ACCSL: variants seen among roughly 807,000 people sequenced by gnomAD.
ACCSL encodes 1-aminocyclopropane-1-carboxylate synthase homolog (inactive) like.
ACCSL carries 55 observed loss-of-function variants against 61.7 expected under a neutral mutation model. The observed-to-expected ratio is 0.89, with a 90% CI of 0.72 to 1.12. The LOEUF is 1.12. Among genes scored for constraint, ACCSL ranks in the 50% most tolerant of loss-of-function variants. The probability of loss-of-function intolerance (pLI) is 0.00; values close to 1 mark genes in which losing one functional copy is unlikely to be tolerated. For missense variants in ACCSL, 632 were observed against 698.0 expected (o/e 0.91, Z 1.07); for synonymous variants, 258 against 264.3 (o/e 0.98, Z 0.23).
the ACCSL span, among the ~76,000 whole-genome samples, chr11:43,934,788 G>A: frequency 2.0e-5 from 3 of 152,180 alleles, no homozygotes; most frequent in South Asian, 2.1e-4. Flanking sequence ...TTCCCACCTT[G>A]ATGTGCATCC....
At chr11:43,948,925 G>A in the ACCSL span, among the ~76,000 whole-genome samples, 1 of 152,330 alleles carries the variant, frequency 6.6e-6, no homozygotes, top group East Asian at 1.9e-4. Context: ...CATATGCATA[G>A]CTGGAATACT....
intron 11 of ACCSL, among the ~76,000 whole-genome samples, chr11:44,057,982 G>A (rs1198282413): frequency 6.6e-6 from 1 of 152,196 alleles, no homozygotes; most frequent in Admixed American, 6.5e-5. Context: ...AGACCAGCCT[G>A]GCCAACATGG....
At chr11:43,990,728 T>A in the ACCSL span, among the ~76,000 whole-genome samples, 1 of 152,200 alleles carries the variant, frequency 6.6e-6, no homozygotes, top group Non-Finnish European at 1.5e-5. Context: ...TAGCCGCTCC[T>A]GGTGCACTGC....
chr11:44,042,976 G>A, the ACCSL span, among the ~76,000 whole-genome samples: 7 of 151,664 alleles, frequency 4.6e-5, no homozygotes, highest in Non-Finnish European at 8.8e-5. Context: ...CCAGTTACTC[G>A]GGATGCTGAG....
chr11:43,935,523 G>C, the ACCSL span, among the ~76,000 whole-genome samples: 1 of 152,370 alleles, frequency 6.6e-6, no homozygotes, highest in East Asian at 1.9e-4. Context: ...TGTAAAGTGG[G>C]GTGATGCTTG....
upstream of ACCSL, among the ~76,000 whole-genome samples, chr11:44,044,161 C>T (rs114053585): frequency 7.9e-3 from 1,210 of 152,236 alleles, 17 homozygotes; most frequent in African/African-American, 0.028. Context: ...AATCTCAGAA[C>T]TTGAGACTTT....
At chr11:43,938,296 G>A in the ACCSL span, among the ~76,000 whole-genome samples, 1 of 152,222 alleles carries the variant, frequency 6.6e-6, no homozygotes, top group Non-Finnish European at 1.5e-5. Context: ...CCGACAGGGT[G>A]TTGAGAGTCT....
At chr11:43,924,013 G>A in the ACCSL span, among the ~76,000 whole-genome samples, 1 of 152,168 alleles carries the variant, frequency 6.6e-6, no homozygotes, top group Admixed American at 6.5e-5. Flanking sequence ...ATGTGGACAC[G>A]CCTTCACTGC....
chr11:44,004,541 G>C, the ACCSL span, among the ~76,000 whole-genome samples: 1 of 152,132 alleles, frequency 6.6e-6, no homozygotes, highest in Non-Finnish European at 1.5e-5. Context: ...ACTCTCAAGG[G>C]CATGTACCTA....
chr11:44,038,627 AG>A, the ACCSL span, among the ~76,000 whole-genome samples: 1 of 152,066 alleles, frequency 6.6e-6, no homozygotes. Context: ...GGGTAGAGTG[AG>A]GGGGAGAGGA....
chr11:43,930,537 C>T, the ACCSL span, among the ~76,000 whole-genome samples: 2 of 152,144 alleles, frequency 1.3e-5, no homozygotes, highest in East Asian at 3.9e-4. Flanking sequence ...AGGTATCGCT[C>T]TTGCTCCCTC....
At chr11:43,938,590 G>A in the ACCSL span, among the ~76,000 whole-genome samples, 3 of 152,012 alleles carry the variant, frequency 2.0e-5, no homozygotes, top group Admixed American at 6.6e-5. Flanking sequence ...GATCACCTGA[G>A]GTCAGGAGTT....
upstream of ACCSL, among the ~76,000 whole-genome samples, chr11:44,045,125 C>T (rs993366541): frequency 5.3e-5 from 8 of 152,176 alleles, no homozygotes; most frequent in African/African-American, 1.7e-4. Flanking sequence ...TTGCTGCATA[C>T]TCACTTTGTT....
At chr11:43,961,023 G>A in the ACCSL span, among the ~76,000 whole-genome samples, 2 of 152,168 alleles carry the variant, frequency 1.3e-5, no homozygotes, top group Admixed American at 1.3e-4. Flanking sequence ...GTTATGCCAT[G>A]TTGGGCAGGC....
At position 44,052,769 on chromosome 11, in the gene ACCSL, G is replaced by A. The variant is rs1327043456; in HGVS notation, c.870+10G>A. On this transcript the variant is annotated intron_variant, in intron 6 of 13. Coordinates refer to ENST00000378832, the MANE Select transcript of ACCSL (RefSeq NM_001031854.2). ...CCACCTGGAGAGTGAGGTCTGAATG[G>A]GGCCCCTTCCCTGCTCAGTATGCCT... The A allele has an allele frequency of 6.2e-7, 1 of 1,612,052 alleles. No homozygotes were observed. Among genetic ancestry groups the A allele is most frequent in the East Asian group, 2.2e-5 (1 of 44,864 alleles).
At chr11:43,979,931 T>A in the ACCSL span, among the ~76,000 whole-genome samples, 6 of 152,096 alleles carry the variant, frequency 3.9e-5, no homozygotes, top group African/African-American at 1.4e-4. Flanking sequence ...TGTAAAAATT[T>A]TCTGTAATTC....
At chr11:44,010,107 A>G in the ACCSL span, among the ~76,000 whole-genome samples, 3 of 152,130 alleles carry the variant, frequency 2.0e-5, no homozygotes, top group African/African-American at 7.2e-5. Flanking sequence ...TTGGGAGGCC[A>G]AGGTGGGGGG....
upstream of ACCSL, chr11:44,047,957 C>T (rs1263093259): frequency 1.6e-5 from 24 of 1,512,718 alleles, no homozygotes; most frequent in Admixed American, 2.0e-5. Context: ...TCCAGGAGAT[C>T]CTCCTTTGCT....
chr11:44,050,053 C>A lies in ACCSL; in HGVS notation c.505-9C>A, dbSNP rs1381668071. On this transcript the variant is annotated splice_polypyrimidine_tract_variant and intron_variant, in intron 1 of 13. Transcript: ENST00000378832. ...GACTGACCTGATCTTGGATTCCTTC[C>A]ATCTCCAGGGTTTCATTAACCTTGG... is the stretch of plus-strand genomic sequence containing the variant. The A allele has an allele frequency of 6.2e-7, 1 of 1,614,142 alleles. No homozygotes were observed. The highest frequency in any genetic ancestry group is 1.7e-5 in the Admixed American group (1 of 60,024).
Sources: gnomAD v4.1 joint callset for allele counts (sites outside exome capture counted in the v4.1 genomes callset) on GRCh38, gnomAD v4.1.1 for gene constraint, MANE v1.5 for transcripts, NCBI Gene and HGNC (gene_info 2026-07-23, HGNC 2026-07-21) for gene names.